The following SSBP2 variants were observed in gnomAD, a reference collection of about 807,000 sequenced individuals.
SSBP2 encodes single-stranded DNA-binding protein 2.
Under a neutral mutation model 61.8 loss-of-function variants are expected in SSBP2, and 17 were observed. The ratio of observed to expected loss-of-function variants is 0.28; its 90% CI spans 0.19 to 0.41. The LOEUF is 0.41. Ranked by LOEUF, SSBP2 falls within the 10% of genes least tolerant of loss-of-function variation. The probability of loss-of-function intolerance (pLI) is 1.00; values close to 1 mark genes in which losing one functional copy is unlikely to be tolerated. For missense variants in SSBP2, 310 were observed against 458.7 expected, an observed-to-expected ratio of 0.68 and a Z score of 2.96; for synonymous variants, 139 against 141.3, an observed-to-expected ratio of 0.98 and a Z score of 0.12.
intron 10 of SSBP2, among the ~76,000 whole-genome samples, chr5:81,455,684 A>G (rs1580729570): frequency 6.6e-6 from 1 of 150,988 alleles, no homozygotes; most frequent in East Asian, 2.0e-4. Context: ...CCTATACTTT[A>G]TATTAAATAC....
intron 9 of SSBP2, among the ~76,000 whole-genome samples, chr5:81,466,580 G>A (rs1043703425): frequency 2.6e-5 from 4 of 151,892 alleles, no homozygotes; most frequent in South Asian, 2.1e-4. Context: ...GAGGTTAACC[G>A]TATTCAATTA....
At chr5:81,550,445 A>AT (rs926768445) in intron 4 of SSBP2, among the ~76,000 whole-genome samples, 42 of 152,090 alleles carry the variant, frequency 2.8e-4, no homozygotes, top group South Asian at 4.1e-4. Context: ...TAAAATACTC[A>AT]TTTTTTTTAC....
intron 1 of SSBP2, among the ~76,000 whole-genome samples, chr5:81,750,066 T>C (rs1450081200): frequency 6.8e-6 from 1 of 147,416 alleles, no homozygotes; most frequent in East Asian, 2.1e-4. Flanking sequence ...GCTCGGGGGC[T>C]GCCAGCCTCA....
At chr5:81,497,714 G>A (rs1490277442) in intron 5 of SSBP2, among the ~76,000 whole-genome samples, 1 of 152,054 alleles carries the variant, frequency 6.6e-6, no homozygotes, top group Non-Finnish European at 1.5e-5. Context: ...CATACTAACA[G>A]TATACAAGAG....
intron 4 of SSBP2, among the ~76,000 whole-genome samples, chr5:81,590,669 G>A (rs1775431039): frequency 6.6e-6 from 1 of 152,190 alleles, no homozygotes; most frequent in Non-Finnish European, 1.5e-5. Context: ...ACAAGAGACT[G>A]GAGAGCCTCC....
intron 4 of SSBP2, among the ~76,000 whole-genome samples, chr5:81,547,334 G>A (rs558016294): frequency 1.3e-5 from 2 of 152,126 alleles, no homozygotes; most frequent in Non-Finnish European, 2.9e-5. Flanking sequence ...CTTTATAATT[G>A]CTGATTCTTA....
At chr5:81,617,036 G>A (rs1237803507) in intron 3 of SSBP2, among the ~76,000 whole-genome samples, 2 of 91,706 alleles carry the variant, frequency 2.2e-5, no homozygotes, top group African/African-American at 9.1e-5. Flanking sequence ...ACTCTAAAAC[G>A]CAGAGCGCCT....
At chr5:81,536,294 T>C (rs1275112502) in intron 4 of SSBP2, among the ~76,000 whole-genome samples, 1 of 152,192 alleles carries the variant, frequency 6.6e-6, no homozygotes, top group Non-Finnish European at 1.5e-5. Flanking sequence ...ACAACCACTT[T>C]GGAAGAAAAT....
At position 81,419,860 on chromosome 5, in the gene SSBP2, G is replaced by A. The variant is rs936255829; in HGVS notation, c.*644C>T. 14 of 152,162 alleles carry A rather than the reference G, an allele frequency of 9.2e-5. No individual in the cohort carries two copies. The highest frequency in any genetic ancestry group is 2.9e-4 in the African/African-American group (12 of 41,440). 9.4% of individuals were successfully genotyped at this position (152,162 alleles called of 1,614,324 possible). A position where few individuals can be genotyped will look rare whatever the true frequency, so the allele number is the denominator to read the frequency against. On this transcript the variant is annotated 3_prime_UTR_variant, in exon 17 of 17. Transcript: ENST00000320672. Reference sequence around the variant, plus strand: ...AAATTGTTTGATTCAACATAAAGACGAAGACACATTTTCTTCTATTTTTTG... The same window carrying A: ...AAATTGTTTGATTCAACATAAAGACAAAGACACATTTTCTTCTATTTTTTG...
intron 3 of SSBP2, among the ~76,000 whole-genome samples, chr5:81,627,698 A>G (rs1747308577): frequency 6.6e-6 from 1 of 152,180 alleles, no homozygotes; most frequent in South Asian, 2.1e-4. Context: ...ATTTGATTTC[A>G]GGATATAAAT....
chr5:81,605,347 CA>C (rs1173793832), intron 4 of SSBP2, among the ~76,000 whole-genome samples: 2 of 151,876 alleles, frequency 1.3e-5, no homozygotes, highest in African/African-American at 2.4e-5. Flanking sequence ...ATTATCAGTA[CA>C]AAAAAATTAA....
chr5:81,469,507 A>G (rs1765108444), intron 8 of SSBP2, among the ~76,000 whole-genome samples: 1 of 151,942 alleles, frequency 6.6e-6, no homozygotes. Flanking sequence ...AAAAGTATGT[A>G]AATTTATTAT....
At chr5:81,509,964 C>T (rs73766259) in intron 5 of SSBP2, among the ~76,000 whole-genome samples, 6,308 of 152,290 alleles carry the variant, frequency 0.041, 429 homozygotes, top group African/African-American at 0.14. Flanking sequence ...CAGAAAGTCT[C>T]TTCCTTAAGC....
chr5:81,433,592 TAAAAAAAAA>T (rs532034844), intron 15 of SSBP2, among the ~76,000 whole-genome samples: 2 of 104,032 alleles, frequency 1.9e-5, no homozygotes, highest in Admixed American at 9.6e-5. Flanking sequence ...GAATGATCAA[TAAAAAAAAA>T]AAAAAAAAGA....
At chr5:81,468,837 T>G (rs769861050) in intron 8 of SSBP2, among the ~76,000 whole-genome samples, 1 of 152,010 alleles carries the variant, frequency 6.6e-6, no homozygotes, top group Admixed American at 6.6e-5. Flanking sequence ...TATGGGACAA[T>G]AGAATGATTT....
intron 4 of SSBP2, among the ~76,000 whole-genome samples, chr5:81,590,700 C>T (rs1290104226): frequency 4.6e-5 from 7 of 152,160 alleles, no homozygotes; most frequent in Non-Finnish European, 1.5e-5. Flanking sequence ...TGACAAATAG[C>T]TACTTTGAGA....
chr5:81,541,468 C>T (rs1771264873), intron 4 of SSBP2, among the ~76,000 whole-genome samples: 1 of 134,362 alleles, frequency 7.4e-6, no homozygotes, highest in Non-Finnish European at 1.6e-5. Context: ...CCAAAGCAAT[C>T]CTAAGTGAAA....
intron 14 of SSBP2, among the ~76,000 whole-genome samples, chr5:81,440,186 G>A (rs1762939232): frequency 1.3e-5 from 2 of 150,176 alleles, no homozygotes; most frequent in Non-Finnish European, 2.9e-5. Context: ...CAGAACTCTA[G>A]AGACAAAACA....
chr5:81,646,769 C>T (rs918473628), intron 2 of SSBP2, among the ~76,000 whole-genome samples: 7 of 144,266 alleles, frequency 4.9e-5, no homozygotes, highest in Admixed American at 3.6e-4. Flanking sequence ...AACTTCCTGG[C>T]ATGTATGCAA....
Sources: gnomAD v4.1 joint callset for allele counts (sites outside exome capture counted in the v4.1 genomes callset) on GRCh38, gnomAD v4.1.1 for gene constraint, MANE v1.5 for transcripts, NCBI Gene and HGNC (gene_info 2026-07-23, HGNC 2026-07-21) for gene names.